CYFIP2: variants seen among roughly 807,000 people sequenced by gnomAD.
The protein encoded by CYFIP2 is cytoplasmic FMR1-interacting protein 2.
CYFIP2 carries 29 observed loss-of-function variants against 158.7 expected under a neutral mutation model. The observed-to-expected ratio is 0.18, with a 90% CI of 0.14 to 0.25. The LOEUF is 0.25. CYFIP2 is among the 10% of genes least tolerant of loss of function. The pLI is 1.00. For missense variants in CYFIP2, 852 were observed against 1,639.5 expected, an observed-to-expected ratio of 0.52 and a Z score of 8.29; for synonymous variants, 585 against 617.6, an observed-to-expected ratio of 0.95 and a Z score of 0.78.
chr5:157,354,498 G>A (rs1037293371), intron 23 of CYFIP2, among the ~76,000 whole-genome samples: 1 of 152,016 alleles, frequency 6.6e-6, no homozygotes, highest in Admixed American at 6.5e-5. Context: ...GGTGCCCTTC[G>A]GGGATGAGTG....
At chr5:157,279,262 A>G (rs1429769047) in intron 1 of CYFIP2, among the ~76,000 whole-genome samples, 5 of 152,168 alleles carry the variant, frequency 3.3e-5, no homozygotes, top group African/African-American at 1.2e-4. Flanking sequence ...GGAACATGCT[A>G]TTGTTTATAT....
chr5:157,369,887 T>TTTTTTTTTTTTTTTTTTTTTTTTTTTG lies in CYFIP2; in HGVS notation c.3039+8300_3039+8301insTTTTTTTTTTTTTTTGTTTTTTTTTTT, dbSNP rs1764819531. 1.3e-5 allele frequency among the ~76,000 whole-genome samples: 2 copies of TTTTTTTTTTTTTTTTTTTTTTTTTTTG among 149,016 alleles called. 1 individual carries two copies. Among genetic ancestry groups the TTTTTTTTTTTTTTTTTTTTTTTTTTTG allele is most frequent in the Non-Finnish European group, 3.0e-5 (2 of 67,346 alleles). ...CCTTGAGAATGGACCTAGTTTTTTT[T>TTTTTTTTTTTTTTTTTTTTTTTTTTTG]TTTTTTTTTTTAAAGACAGAGTCTT... On this transcript the variant is annotated intron_variant, in intron 26 of 30. Coordinates refer to ENST00000620254, the MANE Select transcript of CYFIP2 (RefSeq NM_001037333.3).
intron 26 of CYFIP2, among the ~76,000 whole-genome samples, chr5:157,375,104 G>A (rs773277098): frequency 2.8e-4 from 42 of 152,296 alleles, no homozygotes; most frequent in Non-Finnish European, 5.3e-4. Context: ...GAATCCTCAT[G>A]CCTTTGTCCT....
rs984323787 is a variant in CYFIP2, at chr5:157,327,316, G to C, written c.2080-657G>C. Among the ~76,000 whole-genome samples the C allele has an allele frequency of 1.4e-4, 21 of 152,302 alleles. No individual in the cohort carries two copies. In the South Asian group the frequency reaches 3.7e-3, roughly 27 times the overall value. ...GTGGTGGCTCATGCCTGTAATCCTAGCACTTTGGGAGGCCAAGGTGGGTGG... is the reference window on the plus strand; with the variant it reads ...GTGGTGGCTCATGCCTGTAATCCTACCACTTTGGGAGGCCAAGGTGGGTGG... On this transcript the variant is annotated intron_variant, in intron 18 of 30. Transcript: ENST00000620254.
chr5:157,320,066 A>G lies in CYFIP2; in HGVS notation c.1523+138A>G, dbSNP rs1760467949. On this transcript the variant is annotated intron_variant, in intron 14 of 30. Coordinates refer to ENST00000620254, the MANE Select transcript of CYFIP2 (RefSeq NM_001037333.3). ...CAGAGGGCTCTTTAGGAGATTGGGC[A>G]TTTGGGATGAATTAAGCCTTCATCT... The G allele has an allele frequency of 8.7e-6, 9 of 1,033,164 alleles. No homozygotes were observed. The South Asian group carries it at 1.3e-4, about 14-fold the overall frequency. 64.0% of individuals were successfully genotyped at this position (1,033,164 alleles called of 1,614,324 possible).
At chr5:157,349,650 C>G (rs780867531) in intron 23 of CYFIP2, among the ~76,000 whole-genome samples, 1 of 152,184 alleles carries the variant, frequency 6.6e-6, no homozygotes, top group Non-Finnish European at 1.5e-5. Context: ...ATTGCTGGAT[C>G]AAATGGTAGT....
intron 23 of CYFIP2, among the ~76,000 whole-genome samples, chr5:157,347,549 C>T (rs537954834): frequency 4.7e-4 from 72 of 152,252 alleles, no homozygotes; most frequent in African/African-American, 1.5e-3. Context: ...TGAGTCCCCA[C>T]GGAGCATAAA....
intron 26 of CYFIP2, among the ~76,000 whole-genome samples, chr5:157,381,761 C>T (rs538145590): frequency 1.3e-5 from 2 of 151,778 alleles, no homozygotes; most frequent in African/African-American, 4.8e-5. Context: ...TAGAAGAAGG[C>T]AAGGACACCT....
intron 26 of CYFIP2, chr5:157,363,852 A>G (rs1180724413): frequency 6.6e-6 from 1 of 152,216 alleles, no homozygotes; most frequent in Non-Finnish European, 1.5e-5. Context: ...GAGCTTCTGA[A>G]TCAGAGCCAG....
intron 23 of CYFIP2, among the ~76,000 whole-genome samples, chr5:157,344,540 A>T (rs968324352): frequency 2.6e-5 from 4 of 152,204 alleles, no homozygotes; most frequent in African/African-American, 9.6e-5. Context: ...AGACAAATCA[A>T]ATGAGCCCTC....
At chr5:157,355,649 A>C (rs1307017073) in intron 23 of CYFIP2, among the ~76,000 whole-genome samples, 1 of 152,240 alleles carries the variant, frequency 6.6e-6, no homozygotes, top group African/African-American at 2.4e-5. Context: ...TCAGACAGAA[A>C]ATATAAGTAG....
At chr5:157,387,669 T>G (rs1213117179) in intron 28 of CYFIP2, among the ~76,000 whole-genome samples, 1 of 136,844 alleles carries the variant, frequency 7.3e-6, no homozygotes, top group Non-Finnish European at 1.6e-5. Context: ...AAACACAGGC[T>G]CAGGATTTTT....
At chr5:157,320,505 G>T in intron 14 of CYFIP2, 150 bp from the exon 15 acceptor site, 1 of 1,035,380 alleles carries the variant, frequency 9.7e-7, no homozygotes, top group Non-Finnish European at 1.4e-6. Context: ...CAGAGTTTTG[G>T]AATTGGGGCA....
intron 3 of CYFIP2, among the ~76,000 whole-genome samples, chr5:157,289,389 G>A (rs943464963): frequency 1.3e-5 from 2 of 152,212 alleles, no homozygotes; most frequent in Non-Finnish European, 1.5e-5. Flanking sequence ...GGGTGTATTC[G>A]TTGGCTTGGA....
intron 15 of CYFIP2, among the ~76,000 whole-genome samples, chr5:157,323,224 A>C (rs1760747148): frequency 6.6e-6 from 1 of 152,204 alleles, no homozygotes; most frequent in African/African-American, 2.4e-5. Context: ...ATTGTCTAGT[A>C]GCCTCCTGTG....
intron 29 of CYFIP2, 53 bp downstream of exon 29, chr5:157,389,480 C>CA (rs746161242): frequency 2.7e-6 from 4 of 1,454,772 alleles, no homozygotes; most frequent in Non-Finnish European, 3.7e-6. Context: ...TGTGCTCCTG[C>CA]AAGTCATGGG....
chr5:157,361,349 C>G lies in CYFIP2; in HGVS notation c.2909-119C>G. On this transcript the variant is annotated intron_variant, in intron 25 of 30. Coordinates refer to ENST00000620254, the MANE Select transcript of CYFIP2 (RefSeq NM_001037333.3). This position sits in a 1 kb window ranked among gnomAD's most constrained non-coding sequence, Gnocchi z 4.4. ...TCTGGGCCTGCAGGTAAGAGGGATG[C>G]GTGGTTTGGCTTTTTGCTATCCCAG... 3.1e-6 allele frequency: 4 copies of G among 1,284,432 alleles called. No homozygotes were observed. In the South Asian group the frequency reaches 5.4e-5, roughly 17 times the overall value. 79.6% of individuals were successfully genotyped at this position (1,284,432 alleles called of 1,614,324 possible). A position where few individuals can be genotyped will look rare whatever the true frequency, so the allele number is the denominator to read the frequency against.
At chr5:157,323,252 C>T (rs189021567) in intron 15 of CYFIP2, among the ~76,000 whole-genome samples, 99 of 152,276 alleles carry the variant, frequency 6.5e-4, no homozygotes, top group African/African-American at 2.2e-3. Flanking sequence ...CAATGTTAAC[C>T]CGCCTTCCAC....
At chr5:157,286,980 T>C in intron 2 of CYFIP2, 39 bp from the exon 3 acceptor site, 1 of 1,578,526 alleles carries the variant, frequency 6.3e-7, no homozygotes, top group East Asian at 2.3e-5. Flanking sequence ...TGGAACTGTT[T>C]TCTAACAACC....
Sources: gnomAD v4.1 joint callset for allele counts (sites outside exome capture counted in the v4.1 genomes callset) on GRCh38, gnomAD v4.1.1 for gene constraint, Gnocchi (gnomAD v3.1) non-coding constraint, MANE v1.5 for transcripts, NCBI Gene and HGNC (gene_info 2026-07-23, HGNC 2026-07-21) for gene names.